Variants in TBC1D32 observed in about 807,000 individuals in gnomAD.
TBC1D32 encodes protein broad-minded.
TBC1D32 carries 151 observed loss-of-function variants against 170.3 expected under a neutral mutation model. That is an observed-to-expected ratio of 0.89 (90% CI 0.78 to 1.01). The LOEUF (loss-of-function observed/expected upper bound fraction) is 1.01, where lower values mean the gene tolerates loss of function less well. Ranked by LOEUF, TBC1D32 falls within the 50% of genes least tolerant of loss-of-function variation. The probability of loss-of-function intolerance (pLI) is 0.00; values close to 1 mark genes in which losing one functional copy is unlikely to be tolerated. For missense variants in TBC1D32, 1,464 were observed against 1,457.1 expected, an observed-to-expected ratio of 1.00 and a Z score of -0.08; for synonymous variants, 498 against 488.0, an observed-to-expected ratio of 1.02 and a Z score of -0.27.
intron 29 of TBC1D32, 25 bp from the exon 30 acceptor site, chr6:121,106,188 A>T (rs770218428): frequency 6.5e-5 from 81 of 1,242,152 alleles, no homozygotes; most frequent in Non-Finnish European, 7.8e-5. Flanking sequence ...AAAATTAAAA[A>T]TTTTATTAAT....
At chr6:121,170,442 G>A (rs1786811873) in intron 22 of TBC1D32, 3 of 1,605,816 alleles carry the variant, frequency 1.9e-6, no homozygotes, top group East Asian at 4.5e-5. Context: ...TTTTCTTCTT[G>A]AGCATTTAGT....
intron 15 of TBC1D32, among the ~76,000 whole-genome samples, chr6:121,266,732 T>C (rs1449896554): frequency 6.6e-6 from 1 of 152,002 alleles, no homozygotes; most frequent in Admixed American, 6.6e-5. Context: ...TATGCAGCCA[T>C]AAAAATGAAT....
chr6:121,309,278 CA>C (rs964047136), intron 4 of TBC1D32, among the ~76,000 whole-genome samples: 1 of 152,042 alleles, frequency 6.6e-6, no homozygotes, highest in South Asian at 2.1e-4. Context: ...CTTGCAGAAG[CA>C]AAATGTAGGT....
At chr6:121,229,144 C>A (rs2128338097) in intron 20 of TBC1D32, among the ~76,000 whole-genome samples, 1 of 152,204 alleles carries the variant, frequency 6.6e-6, no homozygotes, top group South Asian at 2.1e-4. Context: ...CCACCTGCCC[C>A]AGAGAGCCTT....
At chr6:121,111,569 C>CT (rs998049834) in intron 29 of TBC1D32, among the ~76,000 whole-genome samples, 4 of 151,942 alleles carry the variant, frequency 2.6e-5, no homozygotes, top group African/African-American at 7.3e-5. Flanking sequence ...CTAGTGCATG[C>CT]TTTTTTTGCC....
intron 24 of TBC1D32, among the ~76,000 whole-genome samples, chr6:121,152,731 A>G (rs1784370767): frequency 6.6e-6 from 1 of 151,856 alleles, no homozygotes; most frequent in Non-Finnish European, 1.5e-5. Flanking sequence ...TCTTGTCTTC[A>G]TGCTTTATTT....
rs1798827066 is a variant in TBC1D32, at chr6:121,255,382, G to A, written c.1964C>T (p.Thr655Ile). Residue 655 changes from threonine (T) to isoleucine (I), a missense_variant, in exon 17 of 32, where the codon ACT becomes ATT. By Grantham distance (89) the Thr-to-Ile change is moderately conservative (BLOSUM62 -1). Around this residue, in one of 3 missense-constraint regions of TBC1D32, gnomAD observed 1,363 missense variants for 1,338.1 expected, o/e 1.02. Transcript: ENST00000398212. ...KTSLLSERIP[T>I]PVEGSDSVSS... Reference sequence around the variant, plus strand: ...AACAGAATCAGAACCCTCTACTGGAGTAGGAATTCTTTCTGATAGCAAACT... The same window carrying A: ...AACAGAATCAGAACCCTCTACTGGAATAGGAATTCTTTCTGATAGCAAACT... 1 of 1,511,280 alleles carries A rather than the reference G, an allele frequency of 6.6e-7. No individual in the cohort carries two copies. Among genetic ancestry groups the A allele is most frequent in the Non-Finnish European group, 8.8e-7 (1 of 1,133,850 alleles). 93.6% of individuals were successfully genotyped at this position (1,511,280 alleles called of 1,614,324 possible).
At chr6:121,305,524 A>C (rs1807199106) in intron 5 of TBC1D32, among the ~76,000 whole-genome samples, 1 of 151,410 alleles carries the variant, frequency 6.6e-6, no homozygotes, top group Non-Finnish European at 1.5e-5. Context: ...AATTGCCTTA[A>C]ATAGTCTAAT....
At chr6:121,332,308 C>CT (rs1458037862) in intron 1 of TBC1D32, among the ~76,000 whole-genome samples, 1 of 152,056 alleles carries the variant, frequency 6.6e-6, no homozygotes, top group Non-Finnish European at 1.5e-5. Context: ...TAGAAAAAAA[C>CT]AAAGAGCAGA....
chr6:121,109,044 A>G (rs1392914607), intron 29 of TBC1D32, among the ~76,000 whole-genome samples: 1 of 152,174 alleles, frequency 6.6e-6, no homozygotes. Flanking sequence ...TATGATTAAG[A>G]CTTATAGTCA....
intron 17 of TBC1D32, among the ~76,000 whole-genome samples, chr6:121,244,303 A>T (rs1363463402): frequency 6.6e-6 from 1 of 152,210 alleles, no homozygotes; most frequent in East Asian, 1.9e-4. Context: ...ATTAAAGAAA[A>T]TGAATCAATA....
At chr6:121,172,866 T>A (rs576144052) in intron 22 of TBC1D32, among the ~76,000 whole-genome samples, 1 of 152,284 alleles carries the variant, frequency 6.6e-6, no homozygotes, top group South Asian at 2.1e-4. Context: ...GTGTTTCCGG[T>A]TGTATAAAGG....
At chr6:121,145,156 G>A (rs1235325367) in intron 24 of TBC1D32, among the ~76,000 whole-genome samples, 3 of 152,120 alleles carry the variant, frequency 2.0e-5, no homozygotes, top group Non-Finnish European at 4.4e-5. Context: ...AGATTTTAGT[G>A]AGGGGAAAGT....
At chr6:121,281,407 T>A in intron 14 of TBC1D32, 137 bp downstream of exon 14, 1 of 535,826 alleles carries the variant, frequency 1.9e-6, no homozygotes, top group Non-Finnish European at 3.1e-6. Flanking sequence ...TAAATAAAAA[T>A]ATATATCAAC....
chr6:121,160,092 T>C lies in TBC1D32; in HGVS notation c.2691A>G (p.Pro897=), dbSNP rs1202017739. The C allele has an allele frequency of 1.2e-6, 2 of 1,600,458 alleles. No homozygotes were observed. The highest frequency in any genetic ancestry group is 1.7e-6 in the Non-Finnish European group (2 of 1,169,458). The change falls in exon 24 of 32, where the codon CCA becomes CCG. Residue 897 remains proline, a synonymous_variant. Coordinates refer to ENST00000398212, the MANE Select transcript of TBC1D32 (RefSeq NM_152730.6). ...ATGATGAAAACATTGGCCAAGGATA[T>C]GGATTATCACTCTAAAAAAGAAGCA... ...PPRLLEKSDN[P]YPWPMFSSYP...
chr6:121,295,644 G>GA lies in TBC1D32; in HGVS notation c.1141-985dup, dbSNP rs202140829. ...TAGGAGAGAAAGGGGATAGTTGATAGAAAAAAAAAATACACAAGAGGAAGA... is the reference window on the plus strand; with the variant it reads ...TAGGAGAGAAAGGGGATAGTTGATAGAAAAAAAAAAATACACAAGAGGAAGA... On this transcript the variant is annotated intron_variant, in intron 10 of 31. Coordinates refer to ENST00000398212, the MANE Select transcript of TBC1D32 (RefSeq NM_152730.6). Among the ~76,000 whole-genome samples the GA allele has an allele frequency of 2.9e-3, 418 of 146,074 alleles. 14 individuals carry two copies. The East Asian group carries it at 0.066, about 23-fold the overall frequency.
chr6:121,098,905 G>A (rs937745541), intron 30 of TBC1D32, among the ~76,000 whole-genome samples: 1 of 151,812 alleles, frequency 6.6e-6, no homozygotes, highest in Non-Finnish European at 1.5e-5. Flanking sequence ...AAAACATGAA[G>A]AGAGTGAAGA....
chr6:121,147,684 C>T (rs1029885888), intron 24 of TBC1D32, among the ~76,000 whole-genome samples: 7 of 151,950 alleles, frequency 4.6e-5, no homozygotes, highest in Non-Finnish European at 8.8e-5. Context: ...CTCCACCTCC[C>T]GGGTTCACGC....
intron 30 of TBC1D32, among the ~76,000 whole-genome samples, chr6:121,102,183 A>C (rs1293385945): frequency 6.6e-6 from 1 of 152,186 alleles, no homozygotes; most frequent in Non-Finnish European, 1.5e-5. Flanking sequence ...TGATAGATTC[A>C]GTGCCATCCC....
Sources: gnomAD v4.1 joint callset for allele counts (sites outside exome capture counted in the v4.1 genomes callset) on GRCh38, gnomAD v4.1.1 for gene constraint, gnomAD v4.1.1 regional missense constraint, MANE v1.5 for transcripts, NCBI Gene and HGNC (gene_info 2026-07-23, HGNC 2026-07-21) for gene names.